OLFM3: variants seen among roughly 807,000 people sequenced by gnomAD.
OLFM3 encodes olfactomedin 3, also known as noelin-3.
A neutral mutation model predicts 48.6 loss-of-function variants in OLFM3; 20 were observed. The observed-to-expected ratio is 0.41, with a 90% CI of 0.29 to 0.60. The LOEUF (loss-of-function observed/expected upper bound fraction) is 0.60. Ranked by LOEUF, OLFM3 falls within the 20% of genes least tolerant of loss-of-function variation. The pLI is 0.28. For synonymous variants in OLFM3, 222 were observed against 198.1 expected, an observed-to-expected ratio of 1.12 and a Z score of -1.01; for missense variants, 437 against 544.3, an observed-to-expected ratio of 0.80 and a Z score of 1.96.
At chr1:101,905,585 G>C (rs942894735) in intron 1 of OLFM3, among the ~76,000 whole-genome samples, 2 of 152,098 alleles carry the variant, frequency 1.3e-5, no homozygotes, top group Admixed American at 1.3e-4. Context: ...TCTCAGTGGG[G>C]AGTGCTCATC....
intron 1 of OLFM3, among the ~76,000 whole-genome samples, chr1:101,991,832 G>A (rs1661421512): frequency 6.6e-6 from 1 of 151,250 alleles, no homozygotes; most frequent in Admixed American, 6.6e-5. Context: ...GTGGTGAGGT[G>A]GAAAGTAGAA....
chr1:101,908,570 T>C lies in OLFM3; in HGVS notation c.70-71545A>G, dbSNP rs139977624. 3.3e-5 allele frequency among the ~76,000 whole-genome samples: 5 copies of C among 152,144 alleles called. No homozygotes were observed. In the South Asian group the frequency reaches 1.0e-3, roughly 32 times the overall value. On this transcript the variant is annotated intron_variant, in intron 1 of 5. Transcript: ENST00000370103. The stretch of plus-strand genomic sequence containing the variant: ...GGCATAACAAAACCACAGCCTGGAA[T>C]AGAAGTGGGTTAAGTGGTGACCCCC...
intron 1 of OLFM3, among the ~76,000 whole-genome samples, chr1:101,939,016 A>C (rs888699495): frequency 1.3e-5 from 2 of 152,110 alleles, no homozygotes; most frequent in Non-Finnish European, 2.9e-5. Context: ...AGTATCTTTT[A>C]TAAATTCTCA....
intron 1 of OLFM3, among the ~76,000 whole-genome samples, chr1:101,954,070 A>C (rs1660221321): frequency 6.6e-6 from 1 of 152,128 alleles, no homozygotes; most frequent in Non-Finnish European, 1.5e-5. Flanking sequence ...TACTTGTAGT[A>C]TAGATTCATA....
At chr1:101,989,218 C>T (rs1038690820) in intron 1 of OLFM3, among the ~76,000 whole-genome samples, 1 of 152,068 alleles carries the variant, frequency 6.6e-6, no homozygotes, top group Admixed American at 6.5e-5. Context: ...AATCTTCTCT[C>T]TAAACTTATT....
rs1420481188 is a variant in OLFM3 at position 101,805,011 on chromosome 1, TCTCAGG to T, written c.700-102_700-97del. 5.1e-6 allele frequency: 5 copies of T among 976,840 alleles called. No homozygotes were observed. The African/African-American group carries it at 6.6e-5, about 13-fold the overall frequency. 60.5% of individuals were successfully genotyped at this position (976,840 alleles called of 1,614,324 possible). ...AGTGAGAGTCAACACTTATTATAAT[TCTCAGG>T]CTCTGGAAGCCACACTATCTTACTG... On this transcript the variant is annotated intron_variant, in intron 5 of 5. Coordinates refer to ENST00000370103, the MANE Select transcript of OLFM3 (RefSeq NM_058170.4).
chr1:101,834,853 C>A (rs1655325769), intron 2 of OLFM3, among the ~76,000 whole-genome samples: 1 of 152,172 alleles, frequency 6.6e-6, no homozygotes, highest in Non-Finnish European at 1.5e-5. Context: ...TTATTTTCAA[C>A]CAACCAATAT....
At chr1:101,966,545 G>A (rs534011024) in intron 1 of OLFM3, among the ~76,000 whole-genome samples, 11 of 152,202 alleles carry the variant, frequency 7.2e-5, no homozygotes, top group Middle Eastern at 3.4e-3. Context: ...CCCTTCCAGC[G>A]CACTGATTGA....
intron 2 of OLFM3, among the ~76,000 whole-genome samples, chr1:101,832,990 A>C (rs530920520): frequency 1.3e-5 from 2 of 152,354 alleles, no homozygotes; most frequent in Admixed American, 1.3e-4. Flanking sequence ...AGCCATTTGC[A>C]TTAAAAAAAA....
rs532468355 is a variant in OLFM3 at position 101,815,344 on chromosome 1, A to T, written c.593-9162T>A. 1.6e-4 allele frequency among the ~76,000 whole-genome samples: 25 copies of T among 151,930 alleles called. No individual in the cohort carries two copies. The South Asian group carries it at 5.2e-3, about 32-fold the overall frequency. On this transcript the variant is annotated intron_variant, in intron 4 of 5. Coordinates refer to ENST00000370103, the MANE Select transcript of OLFM3 (RefSeq NM_058170.4). ...CACCTGTAGTCCCAGCTACTCAGGA[A>T]ACTAAGGCAGGACAATGGCATGAAC...
chr1:101,860,151 G>A lies in OLFM3; in HGVS notation c.70-23126C>T, dbSNP rs551682994. Among the ~76,000 whole-genome samples the A allele has an allele frequency of 3.1e-4, 47 of 152,056 alleles. No homozygotes were observed. The East Asian group carries it at 8.1e-3, about 26-fold the overall frequency. ...AAGTGTGAGTGAGGATTGCCCAGAG[G>A]CACACATGCTTCTTATCAAGAAAGG... is the stretch of plus-strand genomic sequence containing the variant. On this transcript the variant is annotated intron_variant, in intron 1 of 5. Transcript: ENST00000370103.
intron 1 of OLFM3, among the ~76,000 whole-genome samples, chr1:101,868,121 T>C (rs4584413): frequency 0.26 from 38,913 of 152,096 alleles, 6,465 homozygotes; most frequent in Non-Finnish European, 0.38. Flanking sequence ...GTCTCGGGTA[T>C]GTCTTATAGC....
intron 4 of OLFM3, among the ~76,000 whole-genome samples, chr1:101,821,224 A>G (rs1177422538): frequency 6.6e-6 from 1 of 152,078 alleles, no homozygotes; most frequent in Non-Finnish European, 1.5e-5. Flanking sequence ...AACTGTACCA[A>G]TTGCCAGGAA....
intron 1 of OLFM3, among the ~76,000 whole-genome samples, chr1:101,932,429 A>T (rs1394139599): frequency 6.6e-6 from 1 of 152,152 alleles, no homozygotes; most frequent in African/African-American, 2.4e-5. Context: ...GAGGAAAGGC[A>T]TTGAGGGTGG....
At chr1:101,933,224 A>AC in intron 1 of OLFM3, among the ~76,000 whole-genome samples, 1 of 149,748 alleles carries the variant, frequency 6.7e-6, no homozygotes, top group Non-Finnish European at 1.5e-5. Flanking sequence ...AAAAAAAAAA[A>AC]AAAAAGAGAA....
intron 1 of OLFM3, among the ~76,000 whole-genome samples, chr1:101,858,623 C>T (rs952823584): frequency 2.0e-5 from 3 of 151,822 alleles, no homozygotes; most frequent in African/African-American, 4.9e-5. Flanking sequence ...AGGTGAATTT[C>T]CCCCTTGCTG....
At chr1:101,972,138 G>T (rs1001436806) in intron 1 of OLFM3, among the ~76,000 whole-genome samples, 6 of 152,002 alleles carry the variant, frequency 3.9e-5, no homozygotes, top group Non-Finnish European at 8.8e-5. Flanking sequence ...TTTGATGTTT[G>T]ATTTTACTGC....
intron 1 of OLFM3, among the ~76,000 whole-genome samples, chr1:101,849,517 T>A (rs1247016197): frequency 2.0e-5 from 3 of 152,204 alleles, no homozygotes; most frequent in Non-Finnish European, 4.4e-5. Context: ...ATTCAAGAGT[T>A]TAAAGCAAAG....
At chr1:101,958,237 G>A (rs779013580) in intron 1 of OLFM3, among the ~76,000 whole-genome samples, 9 of 152,018 alleles carry the variant, frequency 5.9e-5, no homozygotes, top group Non-Finnish European at 1.0e-4. Context: ...TTATTAGCTT[G>A]AAAGTTTTTA....
Sources: allele counts gnomAD v4.1 joint callset (sites outside exome capture counted in the v4.1 genomes callset), GRCh38; gene constraint gnomAD v4.1.1; transcripts MANE v1.5; gene names NCBI Gene and HGNC (gene_info 2026-07-23, HGNC 2026-07-21).